ERBB3: variants seen among roughly 807,000 people sequenced by gnomAD.
ERBB3 encodes receptor tyrosine-protein kinase erbB-3.
A neutral mutation model predicts 156.7 loss-of-function variants in ERBB3; 96 were observed. That is an observed-to-expected ratio of 0.61 (90% CI 0.52 to 0.73). The LOEUF (loss-of-function observed/expected upper bound fraction) is 0.73. ERBB3 is among the 30% of genes least tolerant of loss of function. The probability of loss-of-function intolerance (pLI) is 0.00; values close to 1 mark genes in which losing one functional copy is unlikely to be tolerated. For synonymous variants in ERBB3, 567 were observed against 632.0 expected, an observed-to-expected ratio of 0.90 and a Z score of 1.54; for missense variants, 1,406 against 1,709.4, an observed-to-expected ratio of 0.82 and a Z score of 3.13.
chr12:56,102,537 T>A lies in ERBB3; in HGVS notation c.*482T>A. 4.1e-6 allele frequency: 1 copy of A among 243,552 alleles called. No individual in the cohort carries two copies. Among genetic ancestry groups the A allele is most frequent in the African/African-American group, 2.2e-5 (1 of 45,438 alleles). 15.1% of individuals were successfully genotyped at this position (243,552 alleles called of 1,614,324 possible). A position where few individuals can be genotyped will look rare whatever the true frequency, so the allele number is the denominator to read the frequency against. ...AGCTTAAAATCTGTGAAGAAAGAGG[T>A]TAGGAGTAGATATTGATTACTATCA... On this transcript the variant is annotated 3_prime_UTR_variant, in exon 28 of 28. Transcript: ENST00000267101.
At position 56,080,431 on chromosome 12, in the gene ERBB3, CCAGTGCGCG is replaced by C. The variant is rs756498804; in HGVS notation, c.82+53_82+61del. ...GGGCTCGGCACCTGGGAGCCGGAAC[CCAGTGCGCG>C]CAGCCTCGGAGGGTATGGGCACGGT... On this transcript the variant is annotated intron_variant, in intron 1 of 27. Coordinates refer to ENST00000267101, the MANE Select transcript of ERBB3 (RefSeq NM_001982.4). The C allele has an allele frequency of 1.5e-5, 22 of 1,436,124 alleles. No homozygotes were observed. In the African/African-American group the frequency reaches 3.0e-4, roughly 19 times the overall value. The allele number at this position is 1,436,124 out of a possible 1,614,324, so 89.0% of individuals were successfully genotyped here. A position where few individuals can be genotyped will look rare whatever the true frequency, so the allele number is the denominator to read the frequency against.
chr12:56,081,301 T>TC (rs770102372), intron 1 of ERBB3, among the ~76,000 whole-genome samples: 21 of 152,118 alleles, frequency 1.4e-4, no homozygotes, highest in South Asian at 2.1e-4. Flanking sequence ...TCTCCAGTCC[T>TC]CCCCCGACTC....
intron 19 of ERBB3, 36 bp from the exon 20 acceptor site, chr12:56,097,009 G>A: frequency 6.2e-7 from 1 of 1,607,428 alleles, no homozygotes; most frequent in South Asian, 1.1e-5. Context: ...ATGTGAACCT[G>A]TTGGTTTCCT....
At chr12:56,095,479 TA>T in intron 16 of ERBB3, 169 bp downstream of exon 16, 1 of 900,930 alleles carries the variant, frequency 1.1e-6, no homozygotes, top group Non-Finnish European at 1.8e-6. Flanking sequence ...CTTCCCTTCC[TA>T]AAATTAACTT....
chr12:56,091,431 G>A (rs550368721), intron 9 of ERBB3, among the ~76,000 whole-genome samples: 96 of 81,146 alleles, frequency 1.2e-3, no homozygotes, highest in Non-Finnish European at 1.8e-3. Flanking sequence ...TTTTTGAGAC[G>A]GAGTCTCGCT....
chr12:56,089,099 GAA>G (rs1314371297), intron 9 of ERBB3: 1 of 633,862 alleles, frequency 1.6e-6, no homozygotes, highest in East Asian at 3.2e-5. Flanking sequence ...CAAGGGACAG[GAA>G]CAACATATCC....
At position 56,088,636 on chromosome 12, in the gene ERBB3, G is replaced by T. The variant is rs771534313; in HGVS notation, c.968G>T (p.Cys323Phe). 1.9e-6 allele frequency: 3 copies of T among 1,613,830 alleles called. 1 individual carries two copies. In the South Asian group the frequency reaches 3.3e-5, roughly 18 times the overall value. Residue 323 changes from cysteine to phenylalanine, a missense_variant, in exon 8 of 28, where the codon TGT becomes TTT. This residue lies in a region of ERBB3 where 979 missense variants were observed against 1,219.6 expected (regional missense o/e 0.80). Coordinates refer to ENST00000267101, the MANE Select transcript of ERBB3 (RefSeq NM_001982.4). ...DKNGLKMCEP[C>F]GGLCPKACEG... The stretch of plus-strand genomic sequence containing the variant: ...AATGGGCTCAAGATGTGTGAGCCTT[G>T]TGGGGGACTATGTCCCAAAGGTGGG...
At chr12:56,083,602 A>C in intron 1 of ERBB3, 149 bp from the exon 2 acceptor site, 1 of 808,766 alleles carries the variant, frequency 1.2e-6, no homozygotes, top group South Asian at 1.4e-5. Flanking sequence ...GCTTCTGCCT[A>C]TCGCTTGTGG....
In ERBB3 at chr12:56,097,868, T is replaced by C. The variant is rs757588627; in HGVS notation, c.2544T>C (p.Val848=). Residue 848 remains valine, a synonymous_variant, in exon 21 of 28, where the codon GTT becomes GTC. Transcript: ENST00000267101. ...RNVLLKSPSQ[V]QVADFGVADL... is the part of the protein sequence containing the mutation. ...TGCTACTCAAGTCACCCAGTCAGGT[T>C]CAGGTGGCAGATTTTGGTGTGGCTG... The C allele has an allele frequency of 6.2e-7, 1 of 1,613,996 alleles. No homozygotes were observed. Among genetic ancestry groups the C allele is most frequent in the South Asian group, 1.1e-5 (1 of 91,078 alleles).
Position 56,101,960 on chromosome 12 carries a change from ACT to A in ERBB3, c.3937_3938del (p.Leu1313ThrfsTer2), listed in dbSNP as rs762900471. On this transcript the variant is annotated frameshift_variant, in exon 28 of 28. Coordinates refer to ENST00000267101, the MANE Select transcript of ERBB3 (RefSeq NM_001982.4). LOFTEE classifies it high-confidence loss of function. The stretch of plus-strand genomic sequence containing the variant: ...CCATGTCCATTATGCCCGCCTAAAA[ACT>A]CTACGTAGCTTAGAGGCTACAGACT... Reference protein sequence around the residue: ...APHVHYARLKTLRSLEATDSA... With the variant: ...APHVHYARLKXLRSLEATDSA... 10 of 1,613,054 alleles carry A rather than the reference ACT, an allele frequency of 6.2e-6. No homozygotes were observed. Among genetic ancestry groups the A allele is most frequent in the Admixed American group, 1.7e-5 (1 of 59,892 alleles).
chr12:56,085,243 T>C (rs1193781651), intron 3 of ERBB3, 62 bp downstream of exon 3: 1 of 1,613,768 alleles, frequency 6.2e-7, no homozygotes, highest in Admixed American at 1.7e-5. Flanking sequence ...GGTACCTCCT[T>C]GATGATGACC....
rs2136820147 is a variant in ERBB3, at chr12:56,097,875, G to A, written c.2551G>A (p.Ala851Thr). Residue 851 changes from alanine (A) to threonine (T), a missense_variant, in exon 21 of 28, where the codon GCA becomes ACA. Coordinates refer to ENST00000267101, the MANE Select transcript of ERBB3 (RefSeq NM_001982.4). ...LLKSPSQVQVADFGVADLLPP... is the reference protein window; with the variant it reads ...LLKSPSQVQVTDFGVADLLPP... ...CAAGTCACCCAGTCAGGTTCAGGTGGCAGATTTTGGTGTGGCTGACCTGCT... is the reference window on the plus strand; with the variant it reads ...CAAGTCACCCAGTCAGGTTCAGGTGACAGATTTTGGTGTGGCTGACCTGCT... The A allele has an allele frequency of 6.2e-7, 1 of 1,614,016 alleles. No individual in the cohort carries two copies. The highest frequency in any genetic ancestry group is 8.5e-7 in the Non-Finnish European group (1 of 1,180,014).
chr12:56,096,695 G>C (rs1222995565), intron 18 of ERBB3, 53 bp from the exon 19 acceptor site: 1 of 1,612,978 alleles, frequency 6.2e-7, no homozygotes, highest in African/African-American at 1.3e-5. Context: ...TTTTTGCATA[G>C]GATTGACCTA....
intron 20 of ERBB3, 102 bp from the exon 21 acceptor site, chr12:56,097,683 G>T: frequency 8.1e-7 from 1 of 1,230,712 alleles, no homozygotes; most frequent in Non-Finnish European, 1.2e-6. Context: ...AAAAAAGGTT[G>T]GGGACCACTG....
chr12:56,095,507 G>A, intron 16 of ERBB3, 158 bp from the exon 17 acceptor site: 1 of 970,280 alleles, frequency 1.0e-6, no homozygotes, highest in Non-Finnish European at 1.6e-6. Context: ...GTCTAAGACT[G>A]GTCCAGATTT....
chr12:56,089,552 G>A (rs911683235), intron 9 of ERBB3, among the ~76,000 whole-genome samples: 3 of 152,074 alleles, frequency 2.0e-5, no homozygotes, highest in African/African-American at 7.2e-5. Flanking sequence ...AGACCATCCT[G>A]GCTAACATGG....
Position 56,087,804 on chromosome 12 carries a change from C to T in ERBB3, c.623C>T (p.Thr208Ile), listed in dbSNP as rs757785908. 1 of 1,613,846 alleles carries T rather than the reference C, an allele frequency of 6.2e-7. No homozygotes were observed. Among genetic ancestry groups the T allele is most frequent in the South Asian group, 1.1e-5 (1 of 91,074 alleles). The change falls in exon 6 of 28, where the codon ACC becomes ATC. Residue 208 changes from threonine to isoleucine, a missense_variant. This residue lies in a region of ERBB3 where 979 missense variants were observed against 1,219.6 expected (regional missense o/e 0.80). Coordinates refer to ENST00000267101, the MANE Select transcript of ERBB3 (RefSeq NM_001982.4). Reference protein sequence around the residue: ...GSEDCQTLTKTICAPQCNGHC... With the variant: ...GSEDCQTLTKIICAPQCNGHC... ...TTCTCTCCTTCCATAGTGACCAAGA[C>T]CATCTGTGCTCCTCAGTGTAATGGT...
chr12:56,088,418 A>G (rs1868557994), intron 7 of ERBB3, 125 bp from the exon 8 acceptor site: 1 of 886,378 alleles, frequency 1.1e-6, no homozygotes, highest in Non-Finnish European at 1.9e-6. Flanking sequence ...TAAGGGATCT[A>G]GGGTGGCAGA....
chr12:56,083,386 G>A, intron 1 of ERBB3: 1 of 359,050 alleles, frequency 2.8e-6, no homozygotes, highest in South Asian at 2.2e-5. Context: ...TGGAGGGGGA[G>A]AGGAGGGTAA....
Sources: allele counts gnomAD v4.1 joint callset (sites outside exome capture counted in the v4.1 genomes callset), GRCh38; gene constraint gnomAD v4.1.1; regional missense constraint gnomAD v4.1.1; transcripts MANE v1.5; gene names NCBI Gene and HGNC (gene_info 2026-07-23, HGNC 2026-07-21).